The following FST variants were observed in gnomAD, a reference collection of about 807,000 sequenced individuals.
FST encodes the protein follistatin.
A neutral mutation model predicts 38.4 loss-of-function variants in FST; 6 were observed. The observed-to-expected ratio is 0.16, with a 90% CI of 0.09 to 0.31. The LOEUF (loss-of-function observed/expected upper bound fraction) is 0.31, where lower values mean the gene tolerates loss of function less well. Among genes scored for constraint, FST ranks in the 10% least tolerant of loss-of-function variants. The pLI is 1.00. For synonymous variants in FST, 157 were observed against 169.8 expected, an observed-to-expected ratio of 0.92 and a Z score of 0.59; for missense variants, 301 against 432.3, an observed-to-expected ratio of 0.70 and a Z score of 2.69.
In FST at chr5:53,483,803, T is replaced by C. The variant is rs1747385553; in HGVS notation, c.496+81T>C. On this transcript the variant is annotated intron_variant, in intron 3 of 5. Coordinates refer to ENST00000256759, the MANE Select transcript of FST (RefSeq NM_013409.3). This position sits in a 1 kb window ranked among gnomAD's most constrained non-coding sequence, Gnocchi z 4.1. ...CTAAAGTAGACCCTCTAGAAGACCC[T>C]TGGGGGATGGTGTAGTCCGCAGTAA... 6 of 1,039,618 alleles carry C rather than the reference T, an allele frequency of 5.8e-6. No homozygotes were observed. Among genetic ancestry groups the C allele is most frequent in the East Asian group, 4.9e-5 (2 of 41,176 alleles). 64.4% of individuals were successfully genotyped at this position (1,039,618 alleles called of 1,614,324 possible).
At chr5:53,480,900 G>C (rs1158689650) in intron 1 of FST, 24 bp downstream of exon 1, 1 of 1,395,578 alleles carries the variant, frequency 7.2e-7, no homozygotes, top group Non-Finnish European at 9.8e-7. Flanking sequence ...GATGCGCTGG[G>C]GAGGCTTGGC....
Position 53,482,884 on chromosome 5 carries a change from G to T in FST, c.90G>T (p.Gly30=), listed in dbSNP as rs201482393. 68 of 1,602,668 alleles carry T rather than the reference G, an allele frequency of 4.2e-5. No homozygotes were observed. The East Asian group carries it at 1.5e-3, about 35-fold the overall frequency. Residue 30 remains glycine (G), a synonymous_variant, in exon 2 of 6, where the codon GGG becomes GGT. Transcript: ENST00000256759. ...QFMEDRSAQA[G]NCWLRQAKNG... The stretch of plus-strand genomic sequence containing the variant: ...CCCACCCTTGTCTCTTCACAGCTGG[G>T]AACTGCTGGCTCCGTCAAGCGAAGA...
At position 53,485,958 on chromosome 5, in the gene FST, G is replaced by A. The variant is rs775210024; in HGVS notation, c.960G>A (p.Ser320=). Residue 320 remains serine (S), a synonymous_variant, in exon 6 of 6, where the codon TCG becomes TCA. Coordinates refer to ENST00000256759, the MANE Select transcript of FST (RefSeq NM_013409.3). ...CTGTATTCCCCCATCTAGCCATTTC[G>A]GAAGACACCGAGGAAGAGGAGGAAG... is the stretch of plus-strand genomic sequence containing the variant. ...VKHSGSCNSI[S]EDTEEEEEDE... 1.1e-5 allele frequency: 18 copies of A among 1,606,654 alleles called. No individual in the cohort carries two copies. The highest frequency in any genetic ancestry group is 4.5e-5 in the South Asian group (4 of 89,340).
chr5:53,483,153 G>A lies in FST; in HGVS notation c.277+82G>A, dbSNP rs1164768977. The stretch of plus-strand genomic sequence containing the variant: ...CTTCCCCACTACCTGACTGGGGTTT[G>A]GGAGTAGGAGAGCTTTGTTCCTGGG... On this transcript the variant is annotated intron_variant, in intron 2 of 5. Transcript: ENST00000256759. This position sits in a 1 kb window ranked among gnomAD's most constrained non-coding sequence, Gnocchi z 4.1. The A allele has an allele frequency of 2.1e-6, 2 of 930,336 alleles. No individual in the cohort carries two copies. The highest frequency in any genetic ancestry group is 2.1e-5 in the Admixed American group (1 of 48,752). The allele number at this position is 930,336 out of a possible 1,614,324, so 57.6% of individuals were successfully genotyped here.
chr5:53,485,372 A>G (rs1286920213), intron 5 of FST, 145 bp downstream of exon 5: 1 of 625,840 alleles, frequency 1.6e-6, no homozygotes, highest in African/African-American at 1.8e-5. Context: ...CAATTCAATA[A>G]TCCACAGAAA....
intron 5 of FST, chr5:53,485,638 C>A: frequency 1.7e-6 from 2 of 1,169,356 alleles, no homozygotes; most frequent in Non-Finnish European, 2.6e-6. Flanking sequence ...AATTAAGGAC[C>A]CAAAGCAGTT....
chr5:53,485,304 C>T (rs965762763), intron 5 of FST, 77 bp downstream of exon 5: 44 of 764,526 alleles, frequency 5.8e-5, no homozygotes, highest in East Asian at 9.9e-5. Flanking sequence ...TTACAAAGCA[C>T]GCAGATCTCC....
chr5:53,482,266 C>T (rs967901291), intron 1 of FST, among the ~76,000 whole-genome samples: 1 of 151,658 alleles, frequency 6.6e-6, no homozygotes, highest in Non-Finnish European at 1.5e-5. Context: ...TTTCTTTCTT[C>T]CTTTTTTTCT....
Position 53,482,932 on chromosome 5 carries a change from C to T in FST, c.138C>T (p.Tyr46=). The part of the protein sequence containing the change: ...QAKNGRCQVL[Y]KTELSKEECC... ...AGAACGGCCGCTGCCAGGTCCTGTA[C>T]AAGACCGAACTGAGCAAGGAGGAGT... The change falls in exon 2 of 6, where the codon TAC becomes TAT. Residue 46 remains tyrosine (Y), a synonymous_variant. Coordinates refer to ENST00000256759, the MANE Select transcript of FST (RefSeq NM_013409.3). 1 of 1,613,522 alleles carries T rather than the reference C, an allele frequency of 6.2e-7. No homozygotes were observed. The highest frequency in any genetic ancestry group is 8.5e-7 in the Non-Finnish European group (1 of 1,179,494).
chr5:53,482,777 C>T (rs1747316904), intron 1 of FST, 103 bp from the exon 2 acceptor site: 11 of 647,490 alleles, frequency 1.7e-5, no homozygotes, highest in Non-Finnish European at 2.7e-5. Flanking sequence ...CGCTCACCCC[C>T]TCCCCATCCC....
In FST at chr5:53,480,868, G is replaced by T; in HGVS notation, c.77G>T (p.Ser26Ile). ...LLLCQFMEDR[S>I]AQAGNCWLRQ... is the part of the protein sequence containing the mutation. ...CTCTGCCAGTTCATGGAGGACCGCA[G>T]TGCCCAGGGTAAGCGAGTGGGGATG... Residue 26 changes from serine (S) to isoleucine (I), a missense_variant, in exon 1 of 6, where the codon AGT becomes ATT. Coordinates refer to ENST00000256759, the MANE Select transcript of FST (RefSeq NM_013409.3). 2 of 1,524,582 alleles carry T rather than the reference G, an allele frequency of 1.3e-6. No individual in the cohort carries two copies. Among genetic ancestry groups the T allele is most frequent in the Non-Finnish European group, 1.8e-6 (2 of 1,130,060 alleles). The allele number at this position is 1,524,582 out of a possible 1,614,324, so 94.4% of individuals were successfully genotyped here. A position where few individuals can be genotyped will look rare whatever the true frequency, so the allele number is the denominator to read the frequency against.
Position 53,485,025 on chromosome 5 carries a change from C to A in FST, c.750C>A (p.Cys250Ter). Reference protein sequence around the residue: ...IKAKSCEDIQCTGGKKCLWDF... With the variant: ...IKAKSCEDIQ ...CAAAGTCCTGTGAAGATATCCAGTG[C>A]ACTGGTGGGAAAAAATGTTTATGGG... The change falls in exon 5 of 6, where the codon TGC (cysteine) becomes TGA (stop). Residue 250 changes from cysteine (C) to a stop codon, truncating the protein, a stop_gained. Transcript: ENST00000256759. LOFTEE classifies it high-confidence loss of function. The A allele has an allele frequency of 6.2e-7, 1 of 1,603,274 alleles. No individual in the cohort carries two copies. The highest frequency in any genetic ancestry group is 8.5e-7 in the Non-Finnish European group (1 of 1,170,130).
chr5:53,483,788 C>A lies in FST; in HGVS notation c.496+66C>A. 1 of 1,206,414 alleles carries A rather than the reference C, an allele frequency of 8.3e-7. No individual in the cohort carries two copies. The highest frequency in any genetic ancestry group is 1.2e-6 in the Non-Finnish European group (1 of 822,662). The allele number at this position is 1,206,414 out of a possible 1,614,324, so 74.7% of individuals were successfully genotyped here. A position where few individuals can be genotyped will look rare whatever the true frequency, so the allele number is the denominator to read the frequency against. On this transcript the variant is annotated intron_variant, in intron 3 of 5. Coordinates refer to ENST00000256759, the MANE Select transcript of FST (RefSeq NM_013409.3). The surrounding 1 kb of genome is among the most constrained non-coding windows in gnomAD (Gnocchi z 4.1). ...CCTCCAGCTTTGTACCTAAAGTAGA[C>A]CCTCTAGAAGACCCTTGGGGGATGG... is the stretch of plus-strand genomic sequence containing the variant.
chr5:53,483,777 C>G lies in FST; in HGVS notation c.496+55C>G, dbSNP rs1444920939. 1.2e-5 allele frequency: 16 copies of G among 1,323,736 alleles called. No homozygotes were observed. In the East Asian group the frequency reaches 3.7e-4, roughly 31 times the overall value. The allele number at this position is 1,323,736 out of a possible 1,614,324, so 82.0% of individuals were successfully genotyped here. A position where few individuals can be genotyped will look rare whatever the true frequency, so the allele number is the denominator to read the frequency against. ...ATCTGTCCCCTCCTCCAGCTTTGTACCTAAAGTAGACCCTCTAGAAGACCC... is the reference window on the plus strand; with the variant it reads ...ATCTGTCCCCTCCTCCAGCTTTGTAGCTAAAGTAGACCCTCTAGAAGACCC... On this transcript the variant is annotated intron_variant, in intron 3 of 5. Coordinates refer to ENST00000256759, the MANE Select transcript of FST (RefSeq NM_013409.3). The surrounding 1 kb of genome is among the most constrained non-coding windows in gnomAD (Gnocchi z 4.1).
intron 1 of FST, among the ~76,000 whole-genome samples, chr5:53,481,907 C>A (rs964140850): frequency 4.6e-5 from 7 of 152,226 alleles, no homozygotes; most frequent in African/African-American, 9.6e-5. Flanking sequence ...TTCCCTGCTT[C>A]AGCGTTAACA....
chr5:53,484,951 GA>G (rs761994675), intron 4 of FST, 45 bp from the exon 5 acceptor site: 10 of 896,334 alleles, frequency 1.1e-5, no homozygotes, highest in Non-Finnish European at 1.9e-5. Flanking sequence ...AGAAAAGGGG[GA>G]TATGGGGAAA....
At chr5:53,484,356 G>A in intron 4 of FST, 63 bp downstream of exon 4, 1 of 1,539,090 alleles carries the variant, frequency 6.5e-7, no homozygotes, top group Non-Finnish European at 8.8e-7. Flanking sequence ...TTAAACTGTG[G>A]GGTTAACTAA....
intron 3 of FST, 45 bp from the exon 4 acceptor site, chr5:53,484,024 G>T (rs1747399158): frequency 6.4e-7 from 1 of 1,555,814 alleles, no homozygotes; most frequent in Non-Finnish European, 8.9e-7. Context: ...CACTCCCTAA[G>T]GACTAGAAGG....
At position 53,485,861 on chromosome 5, in the gene FST, A is replaced by G. The variant is rs2112348380; in HGVS notation, c.953-90A>G. On this transcript the variant is annotated intron_variant, in intron 5 of 5. Transcript: ENST00000256759. ...AAATGCAACGCTGTAATATGGCTGT[A>G]TCAGAGGGCTTTGAAAACATACACT... 5 of 1,597,148 alleles carry G rather than the reference A, an allele frequency of 3.1e-6. No individual in the cohort carries two copies. In the South Asian group the frequency reaches 5.8e-5, roughly 18 times the overall value.
Sources: allele counts gnomAD v4.1 joint callset (sites outside exome capture counted in the v4.1 genomes callset), GRCh38; gene constraint gnomAD v4.1.1; non-coding constraint Gnocchi (gnomAD v3.1); transcripts MANE v1.5; gene names NCBI Gene and HGNC (gene_info 2026-07-23, HGNC 2026-07-21).